KCTD1: variants seen among roughly 807,000 people sequenced by gnomAD.
KCTD1 encodes the protein BTB/POZ domain-containing protein KCTD1.
KCTD1 carries 24 observed loss-of-function variants against 66.0 expected under a neutral mutation model. The observed-to-expected ratio is 0.36, with a 90% CI of 0.26 to 0.51. The LOEUF is 0.51. Among genes scored for constraint, KCTD1 ranks in the 20% least tolerant of loss-of-function variants. The probability of loss-of-function intolerance (pLI) is 0.95; values close to 1 mark genes in which losing one functional copy is unlikely to be tolerated. For missense variants in KCTD1, 943 were observed against 1,205.2 expected, an observed-to-expected ratio of 0.78 and a Z score of 3.22; for synonymous variants, 511 against 517.2, an observed-to-expected ratio of 0.99 and a Z score of 0.16.
intron 2 of KCTD1, among the ~76,000 whole-genome samples, chr18:26,488,141 T>G (rs78750537): frequency 0.023 from 3,470 of 152,350 alleles, 134 homozygotes; most frequent in African/African-American, 0.078. Context: ...TGTTCAGCTT[T>G]TCTAATCGTT....
rs540899239 is a variant in KCTD1 at position 26,476,763 on chromosome 18, T to C, written c.1989-104A>G. The C allele has an allele frequency of 1.8e-5, 18 of 980,130 alleles. No individual in the cohort carries two copies. The East Asian group carries it at 3.8e-4, about 21-fold the overall frequency. 60.7% of individuals were successfully genotyped at this position (980,130 alleles called of 1,614,324 possible). ...CTGTCAAAGGTAGCACTTTTGAAGATGGCAGTAGGGAAAAATTACGATTGT... is the reference window on the plus strand; with the variant it reads ...CTGTCAAAGGTAGCACTTTTGAAGACGGCAGTAGGGAAAAATTACGATTGT... On this transcript the variant is annotated intron_variant, in intron 2 of 4. Coordinates refer to ENST00000580059, the MANE Select transcript of KCTD1 (RefSeq NM_001142730.3). The surrounding 1 kb of genome is among the most constrained non-coding windows in gnomAD (Gnocchi z 4.9).
At position 26,538,386 on chromosome 18, in the gene KCTD1, C is replaced by T. The variant is rs1691453015; in HGVS notation, c.1809+8342G>A. Among the ~76,000 whole-genome samples the T allele has an allele frequency of 2.0e-5, 3 of 152,202 alleles. No homozygotes were observed. The South Asian group carries it at 6.2e-4, about 32-fold the overall frequency. ...CAAATCTTAAGGTAAAGCATCCACA[C>T]GGATGGGCTTTTTTAGGTTAATTGT... On this transcript the variant is annotated intron_variant, in intron 1 of 4. Transcript: ENST00000580059.
At chr18:26,481,406 G>A (rs1199941420) in intron 2 of KCTD1, among the ~76,000 whole-genome samples, 1 of 152,150 alleles carries the variant, frequency 6.6e-6, no homozygotes, top group Non-Finnish European at 1.5e-5. Flanking sequence ...AGAAGGGTGC[G>A]GAAGATACAA....
intron 2 of KCTD1, among the ~76,000 whole-genome samples, chr18:26,498,011 G>A (rs1982566568): frequency 6.6e-6 from 1 of 152,188 alleles, no homozygotes; most frequent in Non-Finnish European, 1.5e-5. Flanking sequence ...AGAAGATTAA[G>A]TATGAAGACA....
In KCTD1 at chr18:26,600,341, A is replaced by C. The variant is rs570417813; in HGVS notation, c.-16+28806T>G. On this transcript the variant is annotated intron_variant, in intron 1 of 4. Transcript: ENST00000317932. Reference sequence around the variant, plus strand: ...AGCAATAGCAATCTTCATGATGCCTAGGAAGGGCCTGACATGGGACCCATC... The same window carrying C: ...AGCAATAGCAATCTTCATGATGCCTCGGAAGGGCCTGACATGGGACCCATC... 20 of 1,448,564 alleles carry C rather than the reference A, an allele frequency of 1.4e-5. No homozygotes were observed. The African/African-American group carries it at 2.6e-4, about 19-fold the overall frequency. 89.7% of individuals were successfully genotyped at this position (1,448,564 alleles called of 1,614,324 possible).
At chr18:26,495,811 C>G (rs1021834312) in intron 2 of KCTD1, among the ~76,000 whole-genome samples, 3 of 152,018 alleles carry the variant, frequency 2.0e-5, no homozygotes, top group African/African-American at 7.2e-5. Context: ...ATAGTAATAA[C>G]CTATTACACT....
At chr18:26,549,628 C>G (rs1272910397), upstream of KCTD1, 3 of 855,582 alleles carry the variant, frequency 3.5e-6, no homozygotes, top group Non-Finnish European at 4.2e-6. Context: ...GAGCTGAAGT[C>G]TCCCTAAGGC....
At chr18:26,570,611 A>G (rs1598946218) in intron 1 of KCTD1, among the ~76,000 whole-genome samples, 1 of 151,952 alleles carries the variant, frequency 6.6e-6, no homozygotes, top group African/African-American at 2.4e-5. Flanking sequence ...AGGTTTCACT[A>G]TGTTTCCCAG....
intron 1 of KCTD1, among the ~76,000 whole-genome samples, chr18:26,584,685 G>A (rs929622644): frequency 2.0e-5 from 3 of 152,168 alleles, no homozygotes; most frequent in Non-Finnish European, 4.4e-5. Context: ...GCTGAGACAG[G>A]TATTCACAGG....
At chr18:26,652,922 T>G (rs1024118394) in intron 1 of KCTD1, among the ~76,000 whole-genome samples, 1 of 152,234 alleles carries the variant, frequency 6.6e-6, no homozygotes, top group African/African-American at 2.4e-5. Flanking sequence ...AGGTGTCCAC[T>G]TGACACTTCT....
intron 1 of KCTD1, among the ~76,000 whole-genome samples, chr18:26,624,110 A>G (rs934925486): frequency 6.6e-6 from 1 of 152,320 alleles, no homozygotes; most frequent in East Asian, 1.9e-4. Context: ...GAGATGATTT[A>G]GGGTATCTGG....
intron 1 of KCTD1, among the ~76,000 whole-genome samples, chr18:26,584,726 C>A (rs1048546551): frequency 1.3e-5 from 2 of 152,050 alleles, no homozygotes; most frequent in African/African-American, 4.8e-5. Flanking sequence ...AGGGGGCTCC[C>A]GACCACACTG....
chr18:26,641,849 A>G (rs1987839918), upstream of KCTD1, among the ~76,000 whole-genome samples: 1 of 152,172 alleles, frequency 6.6e-6, no homozygotes, highest in African/African-American at 2.4e-5. Flanking sequence ...CAAGACTCAT[A>G]GGTTCCATTT....
At position 26,611,332 on chromosome 18, in the gene KCTD1, T is replaced by TTTTGTTTG. The variant is rs141699243; in HGVS notation, c.-16+17807_-16+17814dup. ...ATGGAATACAATTATAGTAACTGGG[T>TTTTGTTTG]TTTGTTTGTTTGTTTGTTTGTTTGT... On this transcript the variant is annotated intron_variant, in intron 1 of 4. Transcript: ENST00000317932. Among the ~76,000 whole-genome samples the TTTTGTTTG allele has an allele frequency of 1.8e-4, 27 of 150,580 alleles. 1 individual carries two copies. The highest frequency in any genetic ancestry group is 5.1e-4 in the African/African-American group (21 of 40,882).
At chr18:26,506,982 A>G (rs1001698951) in intron 1 of KCTD1, among the ~76,000 whole-genome samples, 4 of 152,190 alleles carry the variant, frequency 2.6e-5, no homozygotes, top group Admixed American at 6.5e-5. Context: ...CCTGGCCAAC[A>G]TGGCAAAACC....
chr18:26,545,734 C>A (rs1985180232), intron 1 of KCTD1: 1 of 151,964 alleles, frequency 6.6e-6, no homozygotes, highest in South Asian at 2.1e-4. Context: ...GTGTCCAAAA[C>A]ATGAATATAA....
chr18:26,542,488 G>A (rs1323551912), intron 1 of KCTD1, among the ~76,000 whole-genome samples: 5 of 152,158 alleles, frequency 3.3e-5, no homozygotes, highest in Non-Finnish European at 4.4e-5. Flanking sequence ...CTCCTGTATC[G>A]ATTCTGCTTT....
chr18:26,635,067 C>T (rs996575954), intron 1 of KCTD1, among the ~76,000 whole-genome samples: 1 of 152,094 alleles, frequency 6.6e-6, no homozygotes, highest in African/African-American at 2.4e-5. Context: ...GCCTTGGAAC[C>T]TTGTCTTTAT....
At position 26,609,405 on chromosome 18, in the gene KCTD1, G is replaced by T. The variant is rs536181297; in HGVS notation, c.-16+19742C>A. ...CTGCCACGCTGGGAATGAAGCAAAA[G>T]ATTTCTTGCTTAAGCACCAAATTCA... On this transcript the variant is annotated intron_variant, in intron 1 of 4. Coordinates refer to the KCTD1 transcript ENST00000317932. 1.3e-3 allele frequency among the ~76,000 whole-genome samples: 205 copies of T among 152,280 alleles called. 1 individual carries two copies. The highest frequency in any genetic ancestry group is 2.3e-3 in the Non-Finnish European group (157 of 68,012).
Sources: gnomAD v4.1 joint callset for allele counts (sites outside exome capture counted in the v4.1 genomes callset) on GRCh38, gnomAD v4.1.1 for gene constraint, Gnocchi (gnomAD v3.1) non-coding constraint, MANE v1.5 for transcripts, NCBI Gene and HGNC (gene_info 2026-07-23, HGNC 2026-07-21) for gene names.